CDH10: variants seen among roughly 807,000 people sequenced by gnomAD.
CDH10 encodes the protein cadherin-10.
In CDH10, 30 loss-of-function variants were observed where a neutral mutation model predicts 73.1. The observed-to-expected ratio is 0.41, with a 90% confidence interval of 0.31 to 0.56. The LOEUF (loss-of-function observed/expected upper bound fraction) is 0.56. Ranked by LOEUF, CDH10 falls within the 20% of genes least tolerant of loss-of-function variation. The pLI is 0.27. For missense variants in CDH10, 815 were observed against 973.7 expected (o/e 0.84, Z 2.17); for synonymous variants, 345 against 348.2 (o/e 0.99, Z 0.10).
intron 1 of CDH10, among the ~76,000 whole-genome samples, chr5:24,601,450 A>C (rs1187705435): frequency 1.3e-5 from 2 of 152,144 alleles, no homozygotes; most frequent in Non-Finnish European, 2.9e-5. Context: ...TTACATGCTA[A>C]TGTCCTTATC....
At chr5:24,589,882 A>G (rs1746142008) in intron 2 of CDH10, among the ~76,000 whole-genome samples, 1 of 152,098 alleles carries the variant, frequency 6.6e-6, no homozygotes, top group African/African-American at 2.4e-5. Context: ...ATATTTATAG[A>G]AGGTTTCACT....
intron 2 of CDH10, among the ~76,000 whole-genome samples, chr5:24,548,126 C>G (rs143976320): frequency 1.3e-5 from 2 of 152,054 alleles, no homozygotes; most frequent in African/African-American, 4.8e-5. Flanking sequence ...AGCAGGGTTT[C>G]TTTTCTCTTT....
intron 5 of CDH10, among the ~76,000 whole-genome samples, chr5:24,512,781 A>G (rs904290614): frequency 6.6e-6 from 1 of 152,206 alleles, no homozygotes; most frequent in East Asian, 1.9e-4. Context: ...CTCTGATTAT[A>G]GCACCTTCTT....
chr5:24,500,018 A>T (rs1053281815), intron 8 of CDH10, among the ~76,000 whole-genome samples: 1 of 152,208 alleles, frequency 6.6e-6, no homozygotes, highest in Non-Finnish European at 1.5e-5. Context: ...ACAATAGCAG[A>T]ATAGCTAGGG....
intron 1 of CDH10, among the ~76,000 whole-genome samples, chr5:24,606,641 G>C (rs1746772958): frequency 6.6e-6 from 1 of 151,850 alleles, no homozygotes; most frequent in South Asian, 2.1e-4. Context: ...ACAAAAAAAA[G>C]ATGGCTTTTA....
chr5:24,604,894 AAC>A (rs1746702539), intron 1 of CDH10, among the ~76,000 whole-genome samples: 3 of 146,566 alleles, frequency 2.0e-5, no homozygotes, highest in South Asian at 2.1e-4. Flanking sequence ...AAAAAAAAAA[AAC>A]AAAAACAAAC....
intron 2 of CDH10, among the ~76,000 whole-genome samples, chr5:24,562,335 T>C (rs527446719): frequency 6.6e-6 from 1 of 152,094 alleles, no homozygotes; most frequent in African/African-American, 2.4e-5. Context: ...CTTATGAGTG[T>C]ATTTTTTCCT....
chr5:24,623,155 C>T (rs1469213825), intron 1 of CDH10, among the ~76,000 whole-genome samples: 5 of 152,180 alleles, frequency 3.3e-5, no homozygotes, highest in Non-Finnish European at 7.3e-5. Flanking sequence ...TGGATCAGAG[C>T]AGCCTCACAG....
chr5:24,513,304 C>CA (rs1253861634), intron 5 of CDH10, among the ~76,000 whole-genome samples: 1 of 152,160 alleles, frequency 6.6e-6, no homozygotes, highest in Non-Finnish European at 1.5e-5. Flanking sequence ...CAGGCATGAG[C>CA]CACTGTGCCC....
intron 1 of CDH10, among the ~76,000 whole-genome samples, chr5:24,604,871 TA>T (rs71576696): frequency 0.1 from 11,539 of 114,004 alleles, 714 homozygotes; most frequent in African/African-American, 0.2. Flanking sequence ...AAGATGTCTC[TA>T]AAAAAAAAAA....
At chr5:24,582,566 C>A (rs1745840487) in intron 2 of CDH10, among the ~76,000 whole-genome samples, 1 of 151,940 alleles carries the variant, frequency 6.6e-6, no homozygotes, top group African/African-American at 2.4e-5. Flanking sequence ...AGGACACATC[C>A]ATTGATTTGT....
chr5:24,536,539 T>C (rs895311742), intron 3 of CDH10, among the ~76,000 whole-genome samples: 10 of 152,100 alleles, frequency 6.6e-5, no homozygotes, highest in Non-Finnish European at 1.5e-4. Flanking sequence ...GAAGTGTCTA[T>C]TCTCTTACCA....
intron 2 of CDH10, among the ~76,000 whole-genome samples, chr5:24,559,341 C>T (rs558013995): frequency 6.6e-6 from 1 of 152,010 alleles, no homozygotes; most frequent in Non-Finnish European, 1.5e-5. Context: ...TGTTCAGCTA[C>T]AAATATGTGT....
chr5:24,599,655 G>T (rs11738684), intron 1 of CDH10, among the ~76,000 whole-genome samples: 151,987 of 152,198 alleles, frequency 1, 75,889 homozygotes, highest in Non-Finnish European at 1. Flanking sequence ...GACACTCATT[G>T]GTGAAAAGCA....
chr5:24,548,423 G>T (rs533601828), intron 2 of CDH10, among the ~76,000 whole-genome samples: 16 of 150,756 alleles, frequency 1.1e-4, no homozygotes, highest in African/African-American at 3.9e-4. Context: ...GCCCAGCCAA[G>T]GGAACCTCAG....
chr5:24,516,192 G>T (rs183915600), intron 5 of CDH10, among the ~76,000 whole-genome samples: 39 of 152,250 alleles, frequency 2.6e-4, no homozygotes, highest in African/African-American at 7.7e-4. Context: ...TTTTTGTCAA[G>T]ACTATCACTG....
chr5:24,600,702 G>A, intron 1 of CDH10, among the ~76,000 whole-genome samples: 1 of 152,140 alleles, frequency 6.6e-6, no homozygotes, highest in South Asian at 2.1e-4. Flanking sequence ...AAGAGAGAAA[G>A]TGCGTTTCAT....
intron 5 of CDH10, among the ~76,000 whole-genome samples, chr5:24,517,937 A>G (rs189441746): frequency 4.9e-4 from 74 of 152,274 alleles, no homozygotes; most frequent in Admixed American, 1.4e-3. Flanking sequence ...TCCAGATGTA[A>G]ACCACCCTTG....
At chr5:24,616,308 C>G (rs1395640667) in intron 1 of CDH10, among the ~76,000 whole-genome samples, 2 of 152,040 alleles carry the variant, frequency 1.3e-5, no homozygotes, top group Non-Finnish European at 2.9e-5. Flanking sequence ...TCACAAGAAC[C>G]AGAAATTTGT....
Sources: gnomAD v4.1 joint callset for allele counts (sites outside exome capture counted in the v4.1 genomes callset) on GRCh38, gnomAD v4.1.1 for gene constraint, MANE v1.5 for transcripts, NCBI Gene and HGNC (gene_info 2026-07-23, HGNC 2026-07-21) for gene names.